SYNE2: variants seen among roughly 807,000 people sequenced by gnomAD.
The protein encoded by SYNE2 is spectrin repeat containing nuclear envelope protein 2.
In SYNE2, 431 loss-of-function variants were observed where a neutral mutation model predicts 856.3. The observed-to-expected ratio is 0.50, with a 90% CI of 0.47 to 0.55. The LOEUF (loss-of-function observed/expected upper bound fraction) is 0.55. SYNE2 is among the 20% of genes least tolerant of loss of function. The pLI, the probability that SYNE2 is intolerant of heterozygous loss-of-function variation, is 0.00. For missense variants in SYNE2, 8,129 were observed against 8,023.2 expected, an observed-to-expected ratio of 1.01 and a Z score of -0.50; for synonymous variants, 2,923 against 2,872.3, an observed-to-expected ratio of 1.02 and a Z score of -0.56.
chr14:63,866,784 C>T (rs1301035588), intron 1 of SYNE2, among the ~76,000 whole-genome samples: 2 of 152,102 alleles, frequency 1.3e-5, no homozygotes, highest in Non-Finnish European at 2.9e-5. Context: ...CCAACCTAGG[C>T]AACATAGTGA....
rs370183307 is a variant in SYNE2, at chr14:64,029,778, G to A, written c.6715-117G>A. The A allele has an allele frequency of 1.4e-4, 169 of 1,204,140 alleles. 1 individual carries two copies. The highest frequency in any genetic ancestry group is 1.2e-3 in the African/African-American group (82 of 66,682). 74.6% of individuals were successfully genotyped at this position (1,204,140 alleles called of 1,614,324 possible). A position where few individuals can be genotyped will look rare whatever the true frequency, so the allele number is the denominator to read the frequency against. On this transcript the variant is annotated intron_variant, in intron 43 of 115. Coordinates refer to ENST00000555002, the MANE Select transcript of SYNE2 (RefSeq NM_182914.3). ...ATCTTTAGAACTCTAATTTATAGCCGTATTCCTGTTTCAAGATGAAACTGG... is the reference window on the plus strand; with the variant it reads ...ATCTTTAGAACTCTAATTTATAGCCATATTCCTGTTTCAAGATGAAACTGG...
chr14:64,101,690 G>A (rs534286675), intron 63 of SYNE2, among the ~76,000 whole-genome samples: 9 of 152,272 alleles, frequency 5.9e-5, no homozygotes, highest in Admixed American at 3.3e-4. Context: ...GTTGTGTGAC[G>A]TGAGCCGAGC....
At chr14:63,815,039 TCCAC>T (rs1338952930) in intron 1 of SYNE2, among the ~76,000 whole-genome samples, 7 of 143,176 alleles carry the variant, frequency 4.9e-5, no homozygotes, top group African/African-American at 1.3e-4. Flanking sequence ...CATATATACA[TCCAC>T]ATATATATAT....
At chr14:64,043,821 A>G (rs1237563521) in intron 45 of SYNE2, among the ~76,000 whole-genome samples, 1 of 152,232 alleles carries the variant, frequency 6.6e-6, no homozygotes, top group Non-Finnish European at 1.5e-5. Flanking sequence ...AAGGCAGTGC[A>G]GAAGGGAAAT....
rs781375790 is a variant in SYNE2, at chr14:63,909,176, G to A, written c.28G>A (p.Glu10Lys). Residue 10 changes from glutamate (E) to lysine (K), a missense_variant, in exon 2 of 116, where the codon GAA (glutamate) becomes AAA (lysine). Glu to Lys is a moderately conservative substitution (Grantham distance 56). Coordinates refer to ENST00000555002, the MANE Select transcript of SYNE2 (RefSeq NM_182914.3). ...GGCATCTAGTCCTGAGCTTCCCACC[G>A]AAGATGAACAGGGTTCCTGGGGCAT... MASSPELPT[E>K]DEQGSWGIDD... 7 of 1,613,114 alleles carry A rather than the reference G, an allele frequency of 4.3e-6. No individual in the cohort carries two copies. Among genetic ancestry groups the A allele is most frequent in the Middle Eastern group, 1.7e-4 (1 of 6,058 alleles).
intron 114 of SYNE2, 159 bp from the exon 115 acceptor site, chr14:64,224,840 G>A: frequency 1.3e-6 from 1 of 763,026 alleles, no homozygotes; most frequent in Non-Finnish European, 2.3e-6. Flanking sequence ...TCCTACTTCA[G>A]GTGACGTTTA....
chr14:64,082,699 G>A (rs2097533726), intron 57 of SYNE2, among the ~76,000 whole-genome samples: 1 of 152,190 alleles, frequency 6.6e-6, no homozygotes, highest in Admixed American at 6.5e-5. Context: ...GCTATGCCTG[G>A]ACTCCTTACC....
chr14:64,023,554 A>T (rs2096953900), intron 38 of SYNE2: 1 of 152,640 alleles, frequency 6.6e-6, no homozygotes, highest in Non-Finnish European at 1.5e-5. Flanking sequence ...TTCCAGTTAT[A>T]TTTCTTTTAA....
intron 59 of SYNE2, among the ~76,000 whole-genome samples, chr14:64,090,381 AAT>A (rs2097600316): frequency 6.6e-6 from 1 of 152,204 alleles, no homozygotes; most frequent in South Asian, 2.1e-4. Context: ...TGGTTACATA[AAT>A]CCAGATTTCT....
At chr14:63,961,237 T>C (rs921835726) in intron 8 of SYNE2, among the ~76,000 whole-genome samples, 9 of 152,252 alleles carry the variant, frequency 5.9e-5, no homozygotes, top group Admixed American at 4.6e-4. Flanking sequence ...TGACTACTTA[T>C]GCCTTCAGAC....
At position 63,929,278 on chromosome 14, in the gene SYNE2, C is replaced by G. The variant is rs181986540; in HGVS notation, c.80-11336C>G. 1.6e-3 allele frequency among the ~76,000 whole-genome samples: 244 copies of G among 152,128 alleles called. 1 individual carries two copies. Among genetic ancestry groups the G allele is most frequent in the African/African-American group, 5.6e-3 (232 of 41,450 alleles). ...AATTCATTATGTTTATGTGATGAAG[C>G]CTCCATAAAAATCTCTAAAGTGCAG... On this transcript the variant is annotated intron_variant, in intron 2 of 115. Transcript: ENST00000555002.
intron 52 of SYNE2, among the ~76,000 whole-genome samples, chr14:64,071,162 GT>G (rs1490769269): frequency 7.9e-5 from 12 of 152,014 alleles, no homozygotes; most frequent in African/African-American, 2.9e-4. Context: ...TTGTTTGTTT[GT>G]TTTTGCCCTT....
chr14:63,846,457 A>G (rs1890229768), intron 1 of SYNE2, among the ~76,000 whole-genome samples: 1 of 152,038 alleles, frequency 6.6e-6, no homozygotes, highest in Non-Finnish European at 1.5e-5. Context: ...CGATTTTTTT[A>G]CAGACTTTGA....
chr14:64,225,094 CCACTGACT>C (rs761313839), intron 115 of SYNE2, 49 bp downstream of exon 115: 2 of 1,603,396 alleles, frequency 1.2e-6, no homozygotes, highest in Non-Finnish European at 1.7e-6. Context: ...CTCCACACTC[CCACTGACT>C]CAGTCTTGCC....
intron 10 of SYNE2, among the ~76,000 whole-genome samples, chr14:63,965,001 G>A (rs1382102452): frequency 2.1e-5 from 3 of 141,216 alleles, no homozygotes; most frequent in Non-Finnish European, 3.0e-5. Context: ...CTTGCTCTGT[G>A]GCCCAGGCTA....
Position 64,161,392 on chromosome 14 carries a change from T to C in SYNE2, c.16095-680T>C, listed in dbSNP as rs557765447. On this transcript the variant is annotated intron_variant, in intron 87 of 115. Coordinates refer to ENST00000555002, the MANE Select transcript of SYNE2 (RefSeq NM_182914.3). ...GAAAGGCAAGATACTAGAGTCTGTA[T>C]ATGGAATAATAAAACAATTTCCTTT... Among the ~76,000 whole-genome samples, 4 of 152,066 alleles carry C rather than the reference T, an allele frequency of 2.6e-5. No homozygotes were observed. In the South Asian group the frequency reaches 8.3e-4, roughly 32 times the overall value.
intron 1 of SYNE2, among the ~76,000 whole-genome samples, chr14:63,842,689 A>T (rs745525207): frequency 6.7e-6 from 1 of 150,270 alleles, no homozygotes; most frequent in Non-Finnish European, 1.5e-5. Context: ...GGAACTCCTG[A>T]CCTCAAATGA....
At chr14:63,793,497 C>A (rs573389592) in intron 1 of SYNE2, among the ~76,000 whole-genome samples, 1 of 152,142 alleles carries the variant, frequency 6.6e-6, no homozygotes, top group Non-Finnish European at 1.5e-5. Context: ...TCTTGAAAGT[C>A]GAGTTAGCTC....
chr14:63,933,402 C>A (rs12881652), intron 2 of SYNE2, among the ~76,000 whole-genome samples: 100,067 of 151,890 alleles, frequency 0.66, 33,528 homozygotes, highest in South Asian at 0.78. Flanking sequence ...GCTTAACTCA[C>A]TTTGCTTTCA....
Sources: allele counts gnomAD v4.1 joint callset (sites outside exome capture counted in the v4.1 genomes callset), GRCh38; gene constraint gnomAD v4.1.1; transcripts MANE v1.5; gene names NCBI Gene and HGNC (gene_info 2026-07-23, HGNC 2026-07-21).